BAZ2B: variants seen among roughly 807,000 people sequenced by gnomAD.
The protein encoded by BAZ2B is bromodomain adjacent to zinc finger domain protein 2B.
Under a neutral mutation model 246.0 loss-of-function variants are expected in BAZ2B, and 91 were observed. The observed-to-expected ratio is 0.37, with a 90% CI of 0.31 to 0.44. BAZ2B has a LOEUF of 0.44. BAZ2B is among the 20% of genes least tolerant of loss of function. The probability of loss-of-function intolerance (pLI) is 1.00; values close to 1 mark genes in which losing one functional copy is unlikely to be tolerated. For synonymous variants in BAZ2B, 855 were observed against 860.0 expected, an observed-to-expected ratio of 0.99 and a Z score of 0.10; for missense variants, 2,332 against 2,533.7, an observed-to-expected ratio of 0.92 and a Z score of 1.71.
chr2:159,446,575 T>C (rs780949799), intron 6 of BAZ2B, among the ~76,000 whole-genome samples: 2 of 152,236 alleles, frequency 1.3e-5, no homozygotes, highest in Non-Finnish European at 2.9e-5. Context: ...AGAGCAGAGC[T>C]GATATGCAGT....
At chr2:159,461,745 G>A (rs1185468010) in intron 3 of BAZ2B, 2 of 152,638 alleles carry the variant, frequency 1.3e-5, no homozygotes, top group Non-Finnish European at 2.9e-5. Context: ...ATGAGAGAAG[G>A]GATGAAAGCA....
At chr2:159,543,440 G>C (rs1247411640) in intron 2 of BAZ2B, among the ~76,000 whole-genome samples, 1 of 150,078 alleles carries the variant, frequency 6.7e-6, no homozygotes, top group Non-Finnish European at 1.5e-5. Context: ...CTCAAGCTTT[G>C]CCTCTGAGAT....
intron 1 of BAZ2B, among the ~76,000 whole-genome samples, chr2:159,595,329 T>C (rs1461286940): frequency 2.6e-5 from 4 of 152,106 alleles, no homozygotes; most frequent in Non-Finnish European, 5.9e-5. Flanking sequence ...CTCAAACTCC[T>C]GATCTCAGGT....
intron 11 of BAZ2B, 124 bp downstream of exon 11, chr2:159,429,076 T>C: frequency 1.7e-6 from 1 of 593,400 alleles, no homozygotes; most frequent in Non-Finnish European, 2.7e-6. Context: ...GCTCTTCTGC[T>C]CTAATAAATA....
intron 14 of BAZ2B, among the ~76,000 whole-genome samples, chr2:159,408,012 A>G (rs1261947811): frequency 5.3e-5 from 8 of 152,222 alleles, no homozygotes; most frequent in Non-Finnish European, 7.3e-5. Flanking sequence ...GTGCTGATAA[A>G]AATGTTTCCT....
Position 159,349,403 on chromosome 2 carries a change from G to A in BAZ2B, c.4864-123C>T, listed in dbSNP as rs1048083481. ...ATTCTTTCATTTATTACAATTACAGGAAAACAAAATACATTAGCAACAAAA... is the reference window on the plus strand; with the variant it reads ...ATTCTTTCATTTATTACAATTACAGAAAAACAAAATACATTAGCAACAAAA... On this transcript the variant is annotated intron_variant, in intron 28 of 36. Transcript: ENST00000392783. 6 of 1,075,350 alleles carry A rather than the reference G, an allele frequency of 5.6e-6. No homozygotes were observed. The African/African-American group carries it at 8.0e-5, about 14-fold the overall frequency. 66.6% of individuals were successfully genotyped at this position (1,075,350 alleles called of 1,614,324 possible).
At chr2:159,672,587 C>T in the BAZ2B span, among the ~76,000 whole-genome samples, 1 of 152,104 alleles carries the variant, frequency 6.6e-6, no homozygotes, top group African/African-American at 2.4e-5. Flanking sequence ...AAGGTTTTTC[C>T]AGGTATGAGC....
At chr2:159,351,526 T>C (rs2058564574) in intron 27 of BAZ2B, among the ~76,000 whole-genome samples, 1 of 152,134 alleles carries the variant, frequency 6.6e-6, no homozygotes, top group Non-Finnish European at 1.5e-5. Flanking sequence ...TTTTGAAATA[T>C]ACTGTCAAAC....
chr2:159,441,065 C>T (rs1559432873), intron 6 of BAZ2B, among the ~76,000 whole-genome samples: 1 of 152,098 alleles, frequency 6.6e-6, no homozygotes. Flanking sequence ...AAAGAAACAG[C>T]TACTTCTTTG....
intron 1 of BAZ2B, among the ~76,000 whole-genome samples, chr2:159,592,337 A>C (rs1318639625): frequency 6.6e-6 from 1 of 152,132 alleles, no homozygotes; most frequent in Admixed American, 6.6e-5. Context: ...ATTTTTAGAG[A>C]CAGGGTCTTG....
the BAZ2B span, among the ~76,000 whole-genome samples, chr2:159,652,449 A>T: frequency 1.3e-5 from 2 of 152,044 alleles, no homozygotes; most frequent in African/African-American, 4.8e-5. Context: ...ACCTCAGGTG[A>T]TCCACCCACC....
chr2:159,660,819 A>C, the BAZ2B span, among the ~76,000 whole-genome samples: 1 of 152,110 alleles, frequency 6.6e-6, no homozygotes, highest in Admixed American at 6.6e-5. Context: ...GCTGGTCTTG[A>C]ATTCCTGACC....
At chr2:159,358,313 C>T (rs1243420431) in intron 27 of BAZ2B, among the ~76,000 whole-genome samples, 2 of 152,088 alleles carry the variant, frequency 1.3e-5, no homozygotes, top group African/African-American at 4.8e-5. Flanking sequence ...GGTTGCAATC[C>T]TAGTCTCTGA....
At chr2:159,402,674 C>T (rs778935573) in intron 16 of BAZ2B, among the ~76,000 whole-genome samples, 3 of 152,146 alleles carry the variant, frequency 2.0e-5, no homozygotes, top group Non-Finnish European at 4.4e-5. Flanking sequence ...GCAAAAGTCA[C>T]TTGTTGTTCT....
At chr2:159,405,218 A>T in intron 14 of BAZ2B, 104 bp from the exon 15 acceptor site, 4 of 925,686 alleles carry the variant, frequency 4.3e-6, no homozygotes, top group Non-Finnish European at 6.3e-6. Flanking sequence ...TATAATTATT[A>T]CTTTTTTTTT....
chr2:159,477,593 T>G (rs2078749287), intron 3 of BAZ2B, among the ~76,000 whole-genome samples: 1 of 152,062 alleles, frequency 6.6e-6, no homozygotes, highest in Non-Finnish European at 1.5e-5. Context: ...ATTTTAATTC[T>G]GAATAAGAAA....
In BAZ2B at chr2:159,382,630, C is replaced by T. The variant is rs569168596; in HGVS notation, c.3934G>A (p.Asp1312Asn). The T allele has an allele frequency of 1.9e-6, 3 of 1,575,094 alleles. No homozygotes were observed. The highest frequency in any genetic ancestry group is 1.9e-5 in the Admixed American group (1 of 53,852). The change falls in exon 25 of 37, where the codon GAT becomes AAT. Residue 1312 changes from aspartate (D) to asparagine (N), a missense_variant. This residue lies in a region of BAZ2B where 676 missense variants were observed against 668.6 expected (regional missense o/e 1.01). Coordinates refer to ENST00000392783, the MANE Select transcript of BAZ2B (RefSeq NM_013450.4). Reference sequence around the variant, plus strand: ...TCTTCTTCATCCTCATCATCTTCATCCCCTTGGTCATCACTGTCATCGTCA... The same window carrying T: ...TCTTCTTCATCCTCATCATCTTCATTCCCTTGGTCATCACTGTCATCGTCA... ...DDDDDSDDQGDEDDEDEEDKE... is the reference protein window; with the variant it reads ...DDDDDSDDQGNEDDEDEEDKE...
chr2:159,673,356 T>C, the BAZ2B span, among the ~76,000 whole-genome samples: 3 of 152,198 alleles, frequency 2.0e-5, no homozygotes, highest in East Asian at 1.9e-4. Flanking sequence ...AGTTTGACAA[T>C]TACTCTGTTG....
Position 159,438,489 on chromosome 2 carries a change from G to A in BAZ2B, c.1107C>T (p.Asn369=). The change falls in exon 8 of 37, where the codon AAC becomes AAT. Residue 369 remains asparagine, a synonymous_variant. Coordinates refer to ENST00000392783, the MANE Select transcript of BAZ2B (RefSeq NM_013450.4). The stretch of plus-strand genomic sequence containing the variant: ...TAGACTGTATTACACTGGTGTGTTT[G>A]TTCACAGATTCCTCCTTTGCCTGAG... ...QSSQAKEESV[N]KHTSVIQSTG... is the part of the protein sequence containing the mutation. The A allele has an allele frequency of 6.2e-7, 1 of 1,614,132 alleles. No individual in the cohort carries two copies. The highest frequency in any genetic ancestry group is 8.5e-7 in the Non-Finnish European group (1 of 1,180,022).
Sources: gnomAD v4.1 joint callset for allele counts (sites outside exome capture counted in the v4.1 genomes callset) on GRCh38, gnomAD v4.1.1 for gene constraint, gnomAD v4.1.1 regional missense constraint, MANE v1.5 for transcripts, NCBI Gene and HGNC (gene_info 2026-07-23, HGNC 2026-07-21) for gene names.